NR6A1: variants seen among roughly 807,000 people sequenced by gnomAD.
NR6A1 encodes retinoic acid receptor-related testis-associated receptor.
NR6A1 carries 7 observed loss-of-function variants against 59.1 expected under a neutral mutation model. The ratio of observed to expected loss-of-function variants is 0.12; its 90% confidence interval spans 0.07 to 0.22. The LOEUF (loss-of-function observed/expected upper bound fraction) is 0.22, where lower values mean the gene tolerates loss of function less well. NR6A1 is among the 10% of genes least tolerant of loss of function. NR6A1 has a pLI of 1.00. For missense variants in NR6A1, 468 were observed against 611.6 expected, an observed-to-expected ratio of 0.77 and a Z score of 2.48; for synonymous variants, 243 against 236.1, an observed-to-expected ratio of 1.03 and a Z score of -0.27.
At chr9:124,553,347 C>G (rs988891030) in intron 3 of NR6A1, among the ~76,000 whole-genome samples, 4 of 152,132 alleles carry the variant, frequency 2.6e-5, no homozygotes, top group Non-Finnish European at 5.9e-5. Context: ...ACCTCTGTGC[C>G]AACAGCTCCA....
intron 1 of NR6A1, among the ~76,000 whole-genome samples, chr9:124,761,619 A>G (rs183575371): frequency 6.6e-6 from 1 of 152,318 alleles, no homozygotes; most frequent in East Asian, 1.9e-4. Context: ...AAGCAAACCA[A>G]TTTACAAAAC....
chr9:124,580,841 TA>T (rs1388866776), intron 2 of NR6A1, among the ~76,000 whole-genome samples: 2 of 151,654 alleles, frequency 1.3e-5, no homozygotes, highest in African/African-American at 4.8e-5. Context: ...ATAATAATAA[TA>T]ATAAAGAATA....
At chr9:124,532,786 C>T (rs1049730717) in intron 7 of NR6A1, among the ~76,000 whole-genome samples, 24 of 152,166 alleles carry the variant, frequency 1.6e-4, no homozygotes, top group Non-Finnish European at 3.2e-4. Flanking sequence ...AGTAGCCACT[C>T]GCCACGTGGC....
chr9:124,705,940 TA>T (rs755710884), intron 2 of NR6A1, among the ~76,000 whole-genome samples: 5 of 152,304 alleles, frequency 3.3e-5, no homozygotes, highest in Admixed American at 6.5e-5. Flanking sequence ...CATGCCCGTC[TA>T]ATTTTTGTAT....
intron 2 of NR6A1, among the ~76,000 whole-genome samples, chr9:124,643,553 T>C (rs1836831556): frequency 6.6e-6 from 1 of 151,346 alleles, no homozygotes; most frequent in Admixed American, 6.6e-5. Flanking sequence ...TGAGCCAAGA[T>C]TCCGCACCAC....
Position 124,519,220 on chromosome 9 carries a change from T to C in NR6A1, c.*3485A>G, listed in dbSNP as rs1019126267. The C allele has an allele frequency of 1.3e-5, 2 of 152,184 alleles. No individual in the cohort carries two copies. Among genetic ancestry groups the C allele is most frequent in the African/African-American group, 4.8e-5 (2 of 41,426 alleles). 9.4% of individuals were successfully genotyped at this position (152,184 alleles called of 1,614,324 possible). Reference sequence around the variant, plus strand: ...CATTCAGTGATGCCACAGAAACCCTTAGGATTCCCCATTCCTTGCTCTGGT... The same window carrying C: ...CATTCAGTGATGCCACAGAAACCCTCAGGATTCCCCATTCCTTGCTCTGGT... On this transcript the variant is annotated 3_prime_UTR_variant, in exon 10 of 10. Transcript: ENST00000487099.
chr9:124,751,598 T>C (rs1385117804), intron 1 of NR6A1, among the ~76,000 whole-genome samples: 2 of 152,060 alleles, frequency 1.3e-5, no homozygotes, highest in East Asian at 3.8e-4. Flanking sequence ...ATCAGAAAAA[T>C]TTTACTAAAA....
chr9:124,617,461 T>C (rs1438917194), intron 2 of NR6A1, among the ~76,000 whole-genome samples: 1 of 152,208 alleles, frequency 6.6e-6, no homozygotes, highest in East Asian at 1.9e-4. Context: ...GTGTTATTAT[T>C]TGGCCACTAC....
At chr9:124,630,732 G>A (rs1235113476) in intron 2 of NR6A1, among the ~76,000 whole-genome samples, 1 of 127,540 alleles carries the variant, frequency 7.8e-6, no homozygotes, top group African/African-American at 3.1e-5. Context: ...AGGCTAGAGT[G>A]CAATGGCACG....
At chr9:124,666,332 G>A (rs574816619) in intron 2 of NR6A1, among the ~76,000 whole-genome samples, 5 of 140,434 alleles carry the variant, frequency 3.6e-5, no homozygotes, top group Admixed American at 2.9e-4. Flanking sequence ...AGGCTGGAGT[G>A]TAGTAGTGCA....
chr9:124,589,046 G>A (rs964334954), intron 2 of NR6A1, among the ~76,000 whole-genome samples: 19 of 151,986 alleles, frequency 1.3e-4, no homozygotes, highest in African/African-American at 4.4e-4. Context: ...GACACTCACT[G>A]TGGCACATCA....
At chr9:124,755,885 G>A (rs959706672) in intron 1 of NR6A1, among the ~76,000 whole-genome samples, 2 of 152,090 alleles carry the variant, frequency 1.3e-5, no homozygotes, top group East Asian at 1.9e-4. Context: ...ATTCCCCACT[G>A]GGTTCAAAAA....
intron 1 of NR6A1, among the ~76,000 whole-genome samples, chr9:124,754,575 T>C (rs770506780): frequency 5.9e-5 from 9 of 151,840 alleles, no homozygotes; most frequent in Non-Finnish European, 1.2e-4. Context: ...AAATGATGTA[T>C]AGGAAACGGG....
chr9:124,679,284 C>T (rs1185346904), intron 2 of NR6A1, among the ~76,000 whole-genome samples: 1 of 152,178 alleles, frequency 6.6e-6, no homozygotes, highest in Non-Finnish European at 1.5e-5. Flanking sequence ...CTGCCAATTA[C>T]TGGCTATATT....
At chr9:124,696,332 G>A (rs1838759077) in intron 2 of NR6A1, among the ~76,000 whole-genome samples, 2 of 152,044 alleles carry the variant, frequency 1.3e-5, no homozygotes, top group African/African-American at 4.8e-5. Flanking sequence ...AACAGGAATG[G>A]AATGAAAGGA....
intron 2 of NR6A1, among the ~76,000 whole-genome samples, chr9:124,578,009 AC>A (rs1834655828): frequency 6.6e-6 from 1 of 152,232 alleles, no homozygotes; most frequent in Non-Finnish European, 1.5e-5. Flanking sequence ...AATGGAAGAA[AC>A]TGGACAAACA....
intron 2 of NR6A1, among the ~76,000 whole-genome samples, chr9:124,722,357 C>T (rs1839587090): frequency 6.6e-6 from 1 of 152,206 alleles, no homozygotes; most frequent in South Asian, 2.1e-4. Context: ...CTTAAGTTCA[C>T]TCTCTGCAGA....
intron 2 of NR6A1, among the ~76,000 whole-genome samples, chr9:124,645,023 A>G (rs1797389879): frequency 1.3e-5 from 2 of 152,368 alleles, no homozygotes; most frequent in South Asian, 4.1e-4. Flanking sequence ...GTACAACATC[A>G]AGTGCAAATC....
chr9:124,560,636 C>T (rs1427366638), intron 2 of NR6A1, among the ~76,000 whole-genome samples: 4 of 152,188 alleles, frequency 2.6e-5, no homozygotes, highest in African/African-American at 7.2e-5. Flanking sequence ...TCTCGGCTCA[C>T]TGCAACCTCC....
Sources: allele counts gnomAD v4.1 joint callset (sites outside exome capture counted in the v4.1 genomes callset), GRCh38; gene constraint gnomAD v4.1.1; transcripts MANE v1.5; gene names NCBI Gene and HGNC (gene_info 2026-07-23, HGNC 2026-07-21).